Variants in TCTN1 observed in about 807,000 individuals in gnomAD.
TCTN1 encodes the protein tectonic-1.
In TCTN1, 58 loss-of-function variants were observed where a neutral mutation model predicts 65.8. The observed-to-expected ratio is 0.88, with a 90% confidence interval of 0.71 to 1.10. The LOEUF (loss-of-function observed/expected upper bound fraction) is 1.10, where lower values mean the gene tolerates loss of function less well. Ranked by LOEUF, TCTN1 falls within the 50% of genes least tolerant of loss-of-function variation. The pLI is 0.00. For synonymous variants in TCTN1, 273 were observed against 289.1 expected (o/e 0.94, Z 0.57); for missense variants, 645 against 719.4 (o/e 0.90, Z 1.18).
intron 1 of TCTN1, among the ~76,000 whole-genome samples, chr12:110,617,336 C>T (rs1254319964): frequency 4.0e-5 from 6 of 150,556 alleles, no homozygotes; most frequent in Non-Finnish European, 5.9e-5. Flanking sequence ...ATACCTTTTA[C>T]GGGGTACTAT....
At chr12:110,645,169 T>C (rs547223823) in intron 12 of TCTN1, 40 bp downstream of exon 12, 2 of 1,610,446 alleles carry the variant, frequency 1.2e-6, no homozygotes, top group African/African-American at 2.7e-5. Flanking sequence ...TAGTGGTCTC[T>C]GTCTTCCAGG....
chr12:110,646,053 C>T (rs2067278271), intron 12 of TCTN1: 1 of 152,260 alleles, frequency 6.6e-6, no homozygotes, highest in Admixed American at 6.5e-5. Context: ...TATTACTCCT[C>T]CTCAGAAGGG....
chr12:110,647,494 G>C, intron 13 of TCTN1, 158 bp downstream of exon 13: 1 of 1,076,920 alleles, frequency 9.3e-7, no homozygotes, highest in Non-Finnish European at 1.4e-6. Context: ...CACTGACGAT[G>C]GTTCTACTTA....
intron 2 of TCTN1, among the ~76,000 whole-genome samples, chr12:110,624,893 C>T (rs185412879): frequency 1.3e-5 from 2 of 152,084 alleles, no homozygotes; most frequent in Admixed American, 6.6e-5. Flanking sequence ...TGTACCATAA[C>T]TTGTAAGCAC....
At chr12:110,632,386 G>T in intron 4 of TCTN1, 86 bp from the exon 5 acceptor site, 3 of 1,377,396 alleles carry the variant, frequency 2.2e-6, no homozygotes, top group Non-Finnish European at 3.1e-6. Context: ...TGCCTGCAGT[G>T]CTGCTTGGCA....
chr12:110,618,280 G>A (rs923921547), intron 1 of TCTN1, among the ~76,000 whole-genome samples: 4 of 150,844 alleles, frequency 2.7e-5, no homozygotes, highest in African/African-American at 9.8e-5. Flanking sequence ...TCGCTCTGTC[G>A]CCCAGGCTGG....
At position 110,641,514 on chromosome 12, in the gene TCTN1, T is replaced by C. The variant is rs868148901; in HGVS notation, c.1105-28T>C. The C allele has an allele frequency of 6.9e-6, 11 of 1,590,718 alleles. No homozygotes were observed. In the Middle Eastern group the frequency reaches 6.6e-4, roughly 96 times the overall value. On this transcript the variant is annotated intron_variant, in intron 9 of 14. Coordinates refer to ENST00000397659, the MANE Select transcript of TCTN1 (RefSeq NM_001082538.3). ...ATTTCCTTATTAAAATGAGAATTAT[T>C]TGGGGGCATTTCTGCATTGTCTTTC...
intron 7 of TCTN1, among the ~76,000 whole-genome samples, chr12:110,637,979 G>A (rs945992950): frequency 2.6e-5 from 4 of 152,198 alleles, no homozygotes; most frequent in African/African-American, 9.7e-5. Flanking sequence ...AAGGCTTGGA[G>A]CAGGTGCCAG....
At chr12:110,622,124 C>T (rs1410997960) in intron 2 of TCTN1, among the ~76,000 whole-genome samples, 5 of 151,024 alleles carry the variant, frequency 3.3e-5, no homozygotes, top group Middle Eastern at 3.4e-3. Context: ...GCAACAAGAG[C>T]GAAACTCCAT....
chr12:110,630,584 A>G (rs188688857), intron 4 of TCTN1, among the ~76,000 whole-genome samples: 112 of 152,372 alleles, frequency 7.4e-4, no homozygotes, highest in Admixed American at 4.0e-3. Flanking sequence ...TTCAACATAT[A>G]GAGGCATATA....
Position 110,614,198 on chromosome 12 carries a change from C to G in TCTN1, c.16C>G (p.Leu6Val), listed in dbSNP as rs1346622533. The change falls in exon 1 of 15, where the codon CTC (leucine) becomes GTC (valine). Residue 6 changes from leucine (L) to valine (V), a missense_variant. Coordinates refer to ENST00000397659, the MANE Select transcript of TCTN1 (RefSeq NM_001082538.3). The part of the protein sequence containing the change: MRPRG[L>V]PPLLVVLLGC... ...TCCCTGGGAGATGAGGCCGCGAGGT[C>G]TCCCGCCGCTCCTGGTGGTGCTCCT... 1.3e-6 allele frequency: 2 copies of G among 1,554,010 alleles called. No homozygotes were observed. The highest frequency in any genetic ancestry group is 1.9e-5 in the Admixed American group (1 of 51,354).
At chr12:110,636,209 G>A in intron 6 of TCTN1, 1 of 422,598 alleles carries the variant, frequency 2.4e-6, no homozygotes, top group Non-Finnish European at 4.4e-6. Context: ...ATACAATAAT[G>A]ACCCTGGAGC....
At chr12:110,614,526 G>A (rs2064901074) in intron 1 of TCTN1, 124 bp downstream of exon 1, 1 of 1,523,268 alleles carries the variant, frequency 6.6e-7, no homozygotes, top group Non-Finnish European at 8.8e-7. Context: ...ACACTGCTGA[G>A]TGTTCCATAA....
At chr12:110,625,246 AT>A (rs1345964127) in intron 2 of TCTN1, among the ~76,000 whole-genome samples, 1 of 152,106 alleles carries the variant, frequency 6.6e-6, no homozygotes, top group Non-Finnish European at 1.5e-5. Context: ...ACTTGTCTCA[AT>A]TTTGTTTTTT....
intron 3 of TCTN1, among the ~76,000 whole-genome samples, chr12:110,627,328 C>T (rs1185865444): frequency 1.1e-4 from 17 of 152,096 alleles, no homozygotes; most frequent in Admixed American, 1.0e-3. Context: ...AACTCCTGAC[C>T]TTAAATGATC....
chr12:110,634,628 CT>C (rs781024438), intron 5 of TCTN1, 41 bp from the exon 6 acceptor site: 2 of 1,518,984 alleles, frequency 1.3e-6, no homozygotes, highest in East Asian at 2.3e-5. Context: ...AATTTCTTCT[CT>C]TTTGTATTTT....
At chr12:110,628,973 A>T in intron 4 of TCTN1, 55 bp downstream of exon 4, 1 of 1,606,030 alleles carries the variant, frequency 6.2e-7, no homozygotes, top group South Asian at 1.1e-5. Context: ...CTTTCCTTGT[A>T]AGTTAATTTT....
At chr12:110,643,208 G>A (rs1190731145) in intron 11 of TCTN1, 2 of 151,844 alleles carry the variant, frequency 1.3e-5, no homozygotes, top group South Asian at 2.1e-4. Context: ...TGGCCTGTAT[G>A]TTTCATTTTT....
chr12:110,615,439 G>A (rs1182626668), intron 1 of TCTN1, among the ~76,000 whole-genome samples: 1 of 152,154 alleles, frequency 6.6e-6, no homozygotes, highest in African/African-American at 2.4e-5. Context: ...TGTGTGAATT[G>A]AGAGTAACCC....
Sources: gnomAD v4.1 joint callset for allele counts (sites outside exome capture counted in the v4.1 genomes callset) on GRCh38, gnomAD v4.1.1 for gene constraint, MANE v1.5 for transcripts, NCBI Gene and HGNC (gene_info 2026-07-23, HGNC 2026-07-21) for gene names.